The following ARHGAP28 variants were observed in gnomAD, a reference collection of about 807,000 sequenced individuals.
ARHGAP28 encodes Rho GTPase activating protein 28, also known as rho GTPase-activating protein 28.
Under a neutral mutation model 90.7 loss-of-function variants are expected in ARHGAP28, and 56 were observed. The ratio of observed to expected loss-of-function variants is 0.62; its 90% CI spans 0.50 to 0.77. The LOEUF (loss-of-function observed/expected upper bound fraction) is 0.77. ARHGAP28 is among the 30% of genes least tolerant of loss of function. The pLI is 0.00. For synonymous variants in ARHGAP28, 308 were observed against 323.3 expected (o/e 0.95, Z 0.51); for missense variants, 869 against 900.9 (o/e 0.96, Z 0.45).
At chr18:6,813,182 T>C (rs1462325842) in intron 1 of ARHGAP28, among the ~76,000 whole-genome samples, 2 of 152,238 alleles carry the variant, frequency 1.3e-5, no homozygotes, top group East Asian at 3.8e-4. Context: ...TTCTTCTTTC[T>C]TGAATGATTT....
chr18:6,848,823 C>T (rs775923862), intron 3 of ARHGAP28, among the ~76,000 whole-genome samples: 1 of 152,158 alleles, frequency 6.6e-6, no homozygotes, highest in African/African-American at 2.4e-5. Context: ...TCAGGACATG[C>T]AAACAGAAGC....
intron 10 of ARHGAP28, among the ~76,000 whole-genome samples, chr18:6,878,262 G>T (rs191020568): frequency 6.8e-6 from 1 of 147,028 alleles, no homozygotes; most frequent in Admixed American, 7.0e-5. Flanking sequence ...ACCAAACACC[G>T]CATGTTCTCA....
chr18:6,810,651 G>T (rs1273715236), intron 1 of ARHGAP28, among the ~76,000 whole-genome samples: 1 of 152,098 alleles, frequency 6.6e-6, no homozygotes, highest in Non-Finnish European at 1.5e-5. Context: ...TGGGGTTAAG[G>T]ACTGGAAATG....
At chr18:6,819,560 G>A (rs2056613469) in intron 1 of ARHGAP28, among the ~76,000 whole-genome samples, 1 of 152,278 alleles carries the variant, frequency 6.6e-6, no homozygotes, top group East Asian at 1.9e-4. Flanking sequence ...CACCAGTGGA[G>A]CTGTTAATGG....
At chr18:6,791,424 T>C (rs1014652880) in intron 1 of ARHGAP28, 2 of 152,208 alleles carry the variant, frequency 1.3e-5, no homozygotes, top group African/African-American at 4.8e-5. Flanking sequence ...ATTTGTATCC[T>C]TCAATCCAAT....
intron 1 of ARHGAP28, among the ~76,000 whole-genome samples, chr18:6,822,799 C>T (rs1225112697): frequency 2.6e-5 from 4 of 151,966 alleles, no homozygotes; most frequent in Non-Finnish European, 5.9e-5. Context: ...AATTTAGATG[C>T]GATTTAGAAA....
intron 1 of ARHGAP28, among the ~76,000 whole-genome samples, chr18:6,773,187 A>G (rs1049189716): frequency 2.6e-5 from 4 of 152,224 alleles, no homozygotes; most frequent in African/African-American, 9.6e-5. Flanking sequence ...ATGTTAATGT[A>G]TGCCAGGAAC....
chr18:6,890,059 C>T lies in ARHGAP28; in HGVS notation c.1708C>T (p.Leu570Phe), dbSNP rs1213362802. 1 of 1,614,160 alleles carries T rather than the reference C, an allele frequency of 6.2e-7. No individual in the cohort carries two copies. Among genetic ancestry groups the T allele is most frequent in the South Asian group, 1.1e-5 (1 of 91,070 alleles). Reference sequence around the variant, plus strand: ...TGCGGCCCACATCATCCGCCTAATGCTTAAGTACCAGAAGATTTTGTGGAA... The same window carrying T: ...TGCGGCCCACATCATCCGCCTAATGTTTAAGTACCAGAAGATTTTGTGGAA... The part of the protein sequence containing the change: ...NTAAHIIRLM[L>F]KYQKILWKVP... Residue 570 changes from leucine to phenylalanine, a missense_variant, in exon 13 of 18, where the codon CTT becomes TTT. Leu to Phe is a conservative substitution (Grantham distance 22). Coordinates refer to ENST00000383472, the MANE Select transcript of ARHGAP28 (RefSeq NM_001366230.1).
At chr18:6,840,164 G>C (rs1370803631) in intron 3 of ARHGAP28, among the ~76,000 whole-genome samples, 1 of 152,164 alleles carries the variant, frequency 6.6e-6, no homozygotes, top group African/African-American at 2.4e-5. Context: ...AATAAAAGGA[G>C]GGCCTGAGCC....
intron 12 of ARHGAP28, among the ~76,000 whole-genome samples, chr18:6,887,714 C>T (rs1457227468): frequency 2.0e-5 from 3 of 152,160 alleles, no homozygotes; most frequent in South Asian, 2.1e-4. Flanking sequence ...TGAGCCACCA[C>T]GCCCGGGCGG....
chr18:6,748,417 A>T (rs1033746861), intron 1 of ARHGAP28, among the ~76,000 whole-genome samples: 1 of 152,168 alleles, frequency 6.6e-6, no homozygotes, highest in Non-Finnish European at 1.5e-5. Context: ...AAAATAGCAC[A>T]TGGCTAAAAT....
chr18:6,785,711 G>A (rs192574693), intron 1 of ARHGAP28, among the ~76,000 whole-genome samples: 4 of 152,292 alleles, frequency 2.6e-5, no homozygotes, highest in African/African-American at 9.6e-5. Flanking sequence ...CTGAGAAAGG[G>A]ATTACCGTGC....
At chr18:6,841,255 C>G (rs1448236593) in intron 3 of ARHGAP28, among the ~76,000 whole-genome samples, 3 of 137,534 alleles carry the variant, frequency 2.2e-5, no homozygotes, top group African/African-American at 8.2e-5. Context: ...TTGTGTGTCT[C>G]CCTCCCTATC....
chr18:6,785,013 T>C (rs530483197), intron 1 of ARHGAP28, among the ~76,000 whole-genome samples: 2 of 152,312 alleles, frequency 1.3e-5, no homozygotes, highest in African/African-American at 4.8e-5. Flanking sequence ...GAGCTGATTT[T>C]TTTTTTCCAA....
chr18:6,913,358 A>G lies in ARHGAP28; in HGVS notation c.*1204A>G, dbSNP rs2057408829. On this transcript the variant is annotated 3_prime_UTR_variant, in exon 18 of 18. Coordinates refer to ENST00000383472, the MANE Select transcript of ARHGAP28 (RefSeq NM_001366230.1). ...TTGGACAGCTCTGACTTTCCTCGAG[A>G]CTATGGATATAGTCCTTCTCAGATT... is the stretch of plus-strand genomic sequence containing the variant. The G allele has an allele frequency of 6.6e-6, 1 of 152,194 alleles. No homozygotes were observed. The highest frequency in any genetic ancestry group is 1.5e-5 in the Non-Finnish European group (1 of 68,042). 9.4% of individuals were successfully genotyped at this position (152,194 alleles called of 1,614,324 possible).
chr18:6,810,804 C>T (rs768200364), intron 1 of ARHGAP28, among the ~76,000 whole-genome samples: 5 of 152,214 alleles, frequency 3.3e-5, no homozygotes, highest in Non-Finnish European at 4.4e-5. Context: ...AGAAAGTAGA[C>T]AGAGGAGCCT....
chr18:6,815,035 G>A (rs79113681), intron 1 of ARHGAP28, among the ~76,000 whole-genome samples: 4 of 152,274 alleles, frequency 2.6e-5, no homozygotes, highest in East Asian at 3.9e-4. Flanking sequence ...CACCAAACTA[G>A]TTCTCTACTC....
intron 14 of ARHGAP28, among the ~76,000 whole-genome samples, chr18:6,891,346 C>T (rs1204856030): frequency 6.6e-6 from 1 of 151,862 alleles, no homozygotes; most frequent in African/African-American, 2.4e-5. Flanking sequence ...GAGTCTTACT[C>T]CTCTGCCTCC....
At chr18:6,859,495 G>T (rs969940805) in intron 4 of ARHGAP28, among the ~76,000 whole-genome samples, 3 of 151,994 alleles carry the variant, frequency 2.0e-5, no homozygotes, top group African/African-American at 7.3e-5. Flanking sequence ...CCTCTTAACC[G>T]CAAATGAGCC....
Sources: allele counts gnomAD v4.1 joint callset (sites outside exome capture counted in the v4.1 genomes callset), GRCh38; gene constraint gnomAD v4.1.1; transcripts MANE v1.5; gene names NCBI Gene and HGNC (gene_info 2026-07-23, HGNC 2026-07-21).